The following TECPR2 variants were observed in gnomAD, a reference collection of about 807,000 sequenced individuals.
The protein encoded by TECPR2 is tectonin beta-propeller repeat-containing protein 2.
Under a neutral mutation model 138.1 loss-of-function variants are expected in TECPR2, and 65 were observed. The ratio of observed to expected loss-of-function variants is 0.47; its 90% CI spans 0.39 to 0.58. The LOEUF is 0.58. TECPR2 is among the 20% of genes least tolerant of loss of function. The pLI is 0.00. For synonymous variants in TECPR2, 746 were observed against 749.8 expected (o/e 0.99, Z 0.08); for missense variants, 1,553 against 1,824.5 (o/e 0.85, Z 2.71).
At chr14:102,373,155 A>G (rs1887549924) in intron 1 of TECPR2, among the ~76,000 whole-genome samples, 1 of 152,154 alleles carries the variant, frequency 6.6e-6, no homozygotes, top group Non-Finnish European at 1.5e-5. Flanking sequence ...AGGAAAAAAA[A>G]ATGGAAGTAA....
intron 16 of TECPR2, among the ~76,000 whole-genome samples, 198 bp from the exon 17 acceptor site, chr14:102,464,943 G>C (rs992917865): frequency 1.3e-5 from 2 of 152,152 alleles, no homozygotes; most frequent in Non-Finnish European, 1.5e-5. Flanking sequence ...CTTGAGTTAC[G>C]GTGTTCTCAA....
At chr14:102,369,873 T>C (rs1887453901) in intron 1 of TECPR2, among the ~76,000 whole-genome samples, 1 of 151,716 alleles carries the variant, frequency 6.6e-6, no homozygotes, top group Admixed American at 6.6e-5. Flanking sequence ...CAGAATGGCA[T>C]GAACCCGGGA....
At chr14:102,451,219 G>A (rs1890133517) in intron 15 of TECPR2, among the ~76,000 whole-genome samples, 1 of 152,164 alleles carries the variant, frequency 6.6e-6, no homozygotes, top group South Asian at 2.1e-4. Context: ...GCCGGGAGGG[G>A]CACTTCCCCC....
At chr14:102,487,842 G>A (rs1016080253) in intron 17 of TECPR2, among the ~76,000 whole-genome samples, 13 of 121,732 alleles carry the variant, frequency 1.1e-4, no homozygotes, top group East Asian at 7.3e-4. Context: ...CGCCCGGCCT[G>A]TTTGTTTTTT....
In TECPR2 at chr14:102,499,349, A is replaced by G. The variant is rs1227063893; in HGVS notation, c.*1092A>G. The G allele has an allele frequency of 3.3e-6, 2 of 601,324 alleles. No individual in the cohort carries two copies. The highest frequency in any genetic ancestry group is 3.0e-6 in the Non-Finnish European group (1 of 335,268). The allele number at this position is 601,324 out of a possible 1,614,324, so 37.2% of individuals were successfully genotyped here. A position where few individuals can be genotyped will look rare whatever the true frequency, so the allele number is the denominator to read the frequency against. On this transcript the variant is annotated 3_prime_UTR_variant, in exon 20 of 20. Transcript: ENST00000359520. ...TTGTTGTATTACAAATCTGCATAAA[A>G]TACCTCATTTCAAATCAAATCTTAC...
At chr14:102,416,194 T>C (rs1331309080) in intron 5 of TECPR2, among the ~76,000 whole-genome samples, 1 of 152,186 alleles carries the variant, frequency 6.6e-6, no homozygotes, top group African/African-American at 2.4e-5. Context: ...CGATCTTGGC[T>C]CACTGCAACA....
chr14:102,428,183 T>G, intron 6 of TECPR2, 67 bp from the exon 7 acceptor site: 1 of 1,467,698 alleles, frequency 6.8e-7, no homozygotes, highest in Non-Finnish European at 9.0e-7. Context: ...TGCATTTTTA[T>G]GCTTTGAGCT....
chr14:102,404,137 C>T (rs1047993033), intron 2 of TECPR2, among the ~76,000 whole-genome samples: 4 of 151,694 alleles, frequency 2.6e-5, no homozygotes, highest in Non-Finnish European at 5.9e-5. Context: ...CTCCTGGGCT[C>T]AAGTGATCCT....
At chr14:102,413,469 T>C (rs1055868447) in intron 4 of TECPR2, among the ~76,000 whole-genome samples, 25 of 151,550 alleles carry the variant, frequency 1.6e-4, no homozygotes, top group Non-Finnish European at 2.5e-4. Flanking sequence ...AACCCTTGCC[T>C]CTGGGTTCAA....
At position 102,443,193 on chromosome 14, in the gene TECPR2, C is replaced by A. The variant is rs1326337673; in HGVS notation, c.2753-454C>A. The stretch of plus-strand genomic sequence containing the variant: ...CAGCCTTTGGGCCTCCATCTGGCCA[C>A]TCTCCTGCTCTTGGCTTTTGTGTTC... On this transcript the variant is annotated intron_variant, in intron 11 of 19. Transcript: ENST00000359520. The surrounding 1 kb of genome is among the most constrained non-coding windows in gnomAD (Gnocchi z 4.9). 6.6e-6 allele frequency among the ~76,000 whole-genome samples: 1 copy of A among 152,258 alleles called. No homozygotes were observed. The highest frequency in any genetic ancestry group is 1.5e-5 in the Non-Finnish European group (1 of 68,034).
chr14:102,475,268 A>G (rs544569640), intron 17 of TECPR2, among the ~76,000 whole-genome samples: 3 of 152,332 alleles, frequency 2.0e-5, no homozygotes, highest in South Asian at 4.1e-4. Flanking sequence ...GACATGAAGT[A>G]TAGGCACTGA....
In TECPR2 at chr14:102,425,194, C is replaced by G. The variant is rs921971593; in HGVS notation, c.854C>G (p.Pro285Arg). The change falls in exon 6 of 20, where the codon CCT becomes CGT. Residue 285 changes from proline to arginine, a missense_variant. By Grantham distance (103) the Pro-to-Arg change is moderately radical (BLOSUM62 -2). Transcript: ENST00000359520. Reference sequence around the variant, plus strand: ...CCCAACAGTGGAAGTTGCAGCTTACCTGAGAGGCACCTGGGGCTTGTTTCA... The same window carrying G: ...CCCAACAGTGGAAGTTGCAGCTTACGTGAGAGGCACCTGGGGCTTGTTTCA... The part of the protein sequence containing the change: ...ESPNSGSCSL[P>R]ERHLGLVSCF... 1.2e-6 allele frequency: 2 copies of G among 1,614,124 alleles called. No individual in the cohort carries two copies. Among genetic ancestry groups the G allele is most frequent in the Non-Finnish European group, 1.7e-6 (2 of 1,180,018 alleles).
chr14:102,417,070 C>A (rs575509389), intron 5 of TECPR2, among the ~76,000 whole-genome samples: 87 of 152,300 alleles, frequency 5.7e-4, no homozygotes, highest in South Asian at 1.2e-3. Flanking sequence ...TAAACCTCTC[C>A]TAGTGCGTCT....
rs1044503 is a variant in TECPR2 at position 102,499,659 on chromosome 14, A to G, written c.*1402A>G. ...GGCAGTGCCCACCCCGCCCACTGGCATCTGCGTGTGAGGGCTAGGCCGCCC... is the reference window on the plus strand; with the variant it reads ...GGCAGTGCCCACCCCGCCCACTGGCGTCTGCGTGTGAGGGCTAGGCCGCCC... On this transcript the variant is annotated 3_prime_UTR_variant, in exon 20 of 20. Coordinates refer to ENST00000359520, the MANE Select transcript of TECPR2 (RefSeq NM_014844.5). The G allele has an allele frequency of 0.29, 56,665 of 192,106 alleles. 9,671 individuals are homozygous for G. Among genetic ancestry groups the G allele is most frequent in the East Asian group, 0.48 (3,547 of 7,388 alleles). The allele number at this position is 192,106 out of a possible 1,614,324, so 11.9% of individuals were successfully genotyped here.
rs952316820 is a variant in TECPR2, at chr14:102,500,619, C to T, written c.*2362C>T. ...ATGACCTCAGCAAGAAACCTCAGGC[C>T]GTGTGAAGAGCAGCAAAGCTTTCCA... On this transcript the variant is annotated 3_prime_UTR_variant, in exon 20 of 20. Coordinates refer to ENST00000359520, the MANE Select transcript of TECPR2 (RefSeq NM_014844.5). 5.3e-5 allele frequency: 8 copies of T among 152,218 alleles called. No individual in the cohort carries two copies. The highest frequency in any genetic ancestry group is 1.3e-4 in the Admixed American group (2 of 15,274). 9.4% of individuals were successfully genotyped at this position (152,218 alleles called of 1,614,324 possible).
At chr14:102,417,037 T>C (rs1227563466) in intron 5 of TECPR2, among the ~76,000 whole-genome samples, 1 of 152,094 alleles carries the variant, frequency 6.6e-6, no homozygotes, top group Non-Finnish European at 1.5e-5. Flanking sequence ...TAACCTCTTG[T>C]GTGGAGACCC....
At chr14:102,431,518 A>AT (rs1368813738) in intron 7 of TECPR2, among the ~76,000 whole-genome samples, 2 of 151,836 alleles carry the variant, frequency 1.3e-5, no homozygotes, top group Admixed American at 1.3e-4. Context: ...AATTTTTTGT[A>AT]TTTTTAGTAG....
In TECPR2 at chr14:102,499,368, A is replaced by G; in HGVS notation, c.*1111A>G. The G allele has an allele frequency of 1.7e-6, 1 of 600,584 alleles. No homozygotes were observed. The highest frequency in any genetic ancestry group is 2.0e-5 in the South Asian group (1 of 50,288). 37.2% of individuals were successfully genotyped at this position (600,584 alleles called of 1,614,324 possible). A position where few individuals can be genotyped will look rare whatever the true frequency, so the allele number is the denominator to read the frequency against. On this transcript the variant is annotated 3_prime_UTR_variant, in exon 20 of 20. Transcript: ENST00000359520. ...CATAAAATACCTCATTTCAAATCAA[A>G]TCTTACAAATTTAGAAGAGAGATAT...
At chr14:102,375,473 G>A (rs1887620148) in intron 1 of TECPR2, among the ~76,000 whole-genome samples, 1 of 152,160 alleles carries the variant, frequency 6.6e-6, no homozygotes, top group Admixed American at 6.5e-5. Flanking sequence ...GAAGGAGGAA[G>A]AGCTCAGTAG....
Sources: allele counts gnomAD v4.1 joint callset (sites outside exome capture counted in the v4.1 genomes callset), GRCh38; gene constraint gnomAD v4.1.1; non-coding constraint Gnocchi (gnomAD v3.1); transcripts MANE v1.5; gene names NCBI Gene and HGNC (gene_info 2026-07-23, HGNC 2026-07-21).